The following ADAMTS17 variants were observed in gnomAD, a reference collection of about 807,000 sequenced individuals.
ADAMTS17 encodes A disintegrin and metalloproteinase with thrombospondin motifs 17.
ADAMTS17 carries 113 observed loss-of-function variants against 141.5 expected under a neutral mutation model. The ratio of observed to expected loss-of-function variants is 0.80; its 90% CI spans 0.69 to 0.93. ADAMTS17 has a LOEUF of 0.93. Among genes scored for constraint, ADAMTS17 ranks in the 40% least tolerant of loss-of-function variants. The probability of loss-of-function intolerance (pLI) is 0.00; values close to 1 mark genes in which losing one functional copy is unlikely to be tolerated. For synonymous variants in ADAMTS17, 768 were observed against 630.6 expected (o/e 1.22, Z -3.27); for missense variants, 1,659 against 1,517.9 (o/e 1.09, Z -1.54).
chr15:100,226,498 G>C lies in ADAMTS17; in HGVS notation c.1076-27075C>G, dbSNP rs146517002. On this transcript the variant is annotated intron_variant, in intron 7 of 21. Coordinates refer to ENST00000268070, the MANE Select transcript of ADAMTS17 (RefSeq NM_139057.4). Reference sequence around the variant, plus strand: ...CCACATCCAGACCACGAAGTGAAGAGAGGCTTTTCCGTGAAACTGAACTCG... The same window carrying C: ...CCACATCCAGACCACGAAGTGAAGACAGGCTTTTCCGTGAAACTGAACTCG... Among the ~76,000 whole-genome samples the C allele has an allele frequency of 2.6e-3, 394 of 152,382 alleles. 5 individuals carry two copies. The highest frequency in any genetic ancestry group is 9.1e-3 in the African/African-American group (379 of 41,594).
intron 3 of ADAMTS17, among the ~76,000 whole-genome samples, chr15:100,283,874 G>C (rs965908823): frequency 2.0e-5 from 3 of 152,192 alleles, no homozygotes; most frequent in African/African-American, 7.2e-5. Flanking sequence ...GGAAGGCCAA[G>C]GAGGGCAGAT....
intron 18 of ADAMTS17, among the ~76,000 whole-genome samples, chr15:100,015,411 TTTTTTG>T (rs1447590177): frequency 2.0e-5 from 3 of 150,642 alleles, no homozygotes; most frequent in African/African-American, 7.5e-5. Context: ...TACCTTGCTT[TTTTTTG>T]TTTTTCTTTT....
At chr15:100,133,107 T>G in intron 11 of ADAMTS17, 107 bp downstream of exon 11, 1 of 1,089,130 alleles carries the variant, frequency 9.2e-7, no homozygotes, top group Non-Finnish European at 1.3e-6. Flanking sequence ...GCCTGGGGGA[T>G]GTTTCAGGGG....
intron 7 of ADAMTS17, among the ~76,000 whole-genome samples, chr15:100,253,151 A>C (rs117268382): frequency 0.015 from 2,268 of 151,826 alleles, 22 homozygotes; most frequent in Middle Eastern, 0.051. Context: ...CTGGCAATGC[A>C]ATACTATATT....
At chr15:100,170,993 C>T (rs1369427354) in intron 8 of ADAMTS17, among the ~76,000 whole-genome samples, 1 of 152,212 alleles carries the variant, frequency 6.6e-6, no homozygotes, top group African/African-American at 2.4e-5. Flanking sequence ...ATCCCCCACA[C>T]CAGCTTCCTA....
At position 99,997,293 on chromosome 15, in the gene ADAMTS17, C is replaced by A; in HGVS notation, c.2796+92G>T. 6.9e-7 allele frequency: 1 copy of A among 1,449,122 alleles called. No homozygotes were observed. Among genetic ancestry groups the A allele is most frequent in the Non-Finnish European group, 9.6e-7 (1 of 1,037,616 alleles). The allele number at this position is 1,449,122 out of a possible 1,614,324, so 89.8% of individuals were successfully genotyped here. A position where few individuals can be genotyped will look rare whatever the true frequency, so the allele number is the denominator to read the frequency against. ...AACTTCAAGCTGACCTGGGGGCGAG[C>A]GAGGGCTGGGAGGCACCAGAATGTC... On this transcript the variant is annotated intron_variant, in intron 19 of 21. Transcript: ENST00000268070. This position sits in a 1 kb window ranked among gnomAD's most constrained non-coding sequence, Gnocchi z 4.7.
chr15:100,127,294 G>A (rs905997347), intron 12 of ADAMTS17, among the ~76,000 whole-genome samples: 1 of 152,150 alleles, frequency 6.6e-6, no homozygotes, highest in Non-Finnish European at 1.5e-5. Flanking sequence ...TAAATCCAAT[G>A]ACAAGCGTTC....
chr15:100,132,487 C>T (rs541980001), intron 11 of ADAMTS17, among the ~76,000 whole-genome samples: 14 of 152,176 alleles, frequency 9.2e-5, no homozygotes, highest in Non-Finnish European at 1.6e-4. Context: ...GTGCGTTTCT[C>T]GCTGGGAGGC....
At chr15:100,195,123 A>G (rs2041061591) in intron 8 of ADAMTS17, among the ~76,000 whole-genome samples, 1 of 152,238 alleles carries the variant, frequency 6.6e-6, no homozygotes, top group African/African-American at 2.4e-5. Context: ...GAAGACAACC[A>G]AGGGCACGGG....
intron 7 of ADAMTS17, among the ~76,000 whole-genome samples, chr15:100,205,714 T>G (rs2041517687): frequency 6.6e-6 from 1 of 152,240 alleles, no homozygotes. Flanking sequence ...GTTTCCTGAC[T>G]GCCTGTATGT....
chr15:100,047,962 C>T (rs567103021), intron 18 of ADAMTS17, among the ~76,000 whole-genome samples: 7 of 152,180 alleles, frequency 4.6e-5, no homozygotes, highest in Non-Finnish European at 8.8e-5. Flanking sequence ...CACAGCAAGC[C>T]TCACCTTCTT....
chr15:100,084,594 T>G (rs2034976225), intron 15 of ADAMTS17, among the ~76,000 whole-genome samples: 1 of 152,156 alleles, frequency 6.6e-6, no homozygotes, highest in South Asian at 2.1e-4. Flanking sequence ...GGCACCCCCC[T>G]GTAGGGGCGG....
chr15:100,154,906 G>T (rs1438969674), intron 9 of ADAMTS17, among the ~76,000 whole-genome samples: 1 of 152,206 alleles, frequency 6.6e-6, no homozygotes, highest in Non-Finnish European at 1.5e-5. Flanking sequence ...GAATGAAATG[G>T]GTTTCTTTTC....
chr15:100,131,511 TAG>T, intron 12 of ADAMTS17, among the ~76,000 whole-genome samples: 1 of 152,150 alleles, frequency 6.6e-6, no homozygotes, highest in South Asian at 2.1e-4. Context: ...ATGGTGTCAT[TAG>T]AGTCAATAAA....
chr15:99,984,992 G>T (rs1012105680), intron 20 of ADAMTS17, among the ~76,000 whole-genome samples: 4 of 152,248 alleles, frequency 2.6e-5, no homozygotes, highest in African/African-American at 9.6e-5. Context: ...ATTCGGCATG[G>T]CCCTGCGGCC....
intron 14 of ADAMTS17, among the ~76,000 whole-genome samples, chr15:100,107,280 TCTG>T (rs1487939334): frequency 6.6e-6 from 1 of 152,176 alleles, no homozygotes; most frequent in East Asian, 1.9e-4. Context: ...CATAAGCAGA[TCTG>T]CTGTCCGCAT....
chr15:100,031,545 G>A (rs1023138612), intron 18 of ADAMTS17, among the ~76,000 whole-genome samples: 1 of 152,138 alleles, frequency 6.6e-6, no homozygotes. Context: ...ATACACCAGG[G>A]TCCTAAACCA....
intron 7 of ADAMTS17, among the ~76,000 whole-genome samples, chr15:100,235,331 G>A (rs562307879): frequency 4.7e-4 from 71 of 152,244 alleles, no homozygotes; most frequent in African/African-American, 1.6e-3. Context: ...CACAGCTGCT[G>A]GGCACCTGGC....
intron 7 of ADAMTS17, among the ~76,000 whole-genome samples, chr15:100,252,488 G>A (rs1335677525): frequency 6.6e-6 from 1 of 152,206 alleles, no homozygotes; most frequent in African/African-American, 2.4e-5. Context: ...GGCAAGCCAG[G>A]AAGCAGGAGG....
Sources: gnomAD v4.1 joint callset for allele counts (sites outside exome capture counted in the v4.1 genomes callset) on GRCh38, gnomAD v4.1.1 for gene constraint, Gnocchi (gnomAD v3.1) non-coding constraint, MANE v1.5 for transcripts, NCBI Gene and HGNC (gene_info 2026-07-23, HGNC 2026-07-21) for gene names.